HS2ST1: variants seen among roughly 807,000 people sequenced by gnomAD.
HS2ST1 encodes the protein heparan sulfate 2-O-sulfotransferase 1, also known as 2-O-sulfotransferase.
In HS2ST1, 18 loss-of-function variants were observed where a neutral mutation model predicts 42.9. That is an observed-to-expected ratio of 0.42 (90% confidence interval 0.29 to 0.62). HS2ST1 has a LOEUF of 0.62. HS2ST1 is among the 20% of genes least tolerant of loss of function. HS2ST1 has a pLI of 0.21. For missense variants in HS2ST1, 334 were observed against 433.8 expected (o/e 0.77, Z 2.04); for synonymous variants, 146 against 152.9 (o/e 0.95, Z 0.33).
chr1:87,075,315 C>T (rs1435776105), intron 2 of HS2ST1, among the ~76,000 whole-genome samples: 2 of 151,724 alleles, frequency 1.3e-5, no homozygotes, highest in African/African-American at 2.4e-5. Flanking sequence ...TATAGGCATG[C>T]GCCACCACGC....
At chr1:86,995,776 A>G (rs1044045120) in intron 1 of HS2ST1, among the ~76,000 whole-genome samples, 8 of 152,102 alleles carry the variant, frequency 5.3e-5, no homozygotes, top group African/African-American at 1.9e-4. Context: ...CTCTTTAGGG[A>G]TAGCAAAAAA....
chr1:86,935,830 T>G (rs927832822), intron 1 of HS2ST1, among the ~76,000 whole-genome samples: 2 of 152,208 alleles, frequency 1.3e-5, no homozygotes, highest in African/African-American at 2.4e-5. Flanking sequence ...TTTTAAAGCC[T>G]TTTTATTTTG....
intron 1 of HS2ST1, among the ~76,000 whole-genome samples, chr1:86,942,068 T>C (rs1177914534): frequency 6.6e-6 from 1 of 152,234 alleles, no homozygotes; most frequent in Non-Finnish European, 1.5e-5. Flanking sequence ...TCAGAGCTAA[T>C]TGTTTAAAGA....
At chr1:86,934,236 C>G (rs569991792) in intron 1 of HS2ST1, among the ~76,000 whole-genome samples, 1 of 152,264 alleles carries the variant, frequency 6.6e-6, no homozygotes, top group African/African-American at 2.4e-5. Flanking sequence ...ACTGTAGTTT[C>G]TTTTGAGGAC....
chr1:86,972,231 T>G (rs760189107), intron 1 of HS2ST1, among the ~76,000 whole-genome samples: 1 of 152,218 alleles, frequency 6.6e-6, no homozygotes, highest in Non-Finnish European at 1.5e-5. Flanking sequence ...TTCTCTAGTT[T>G]CAGTTAGCCA....
intron 1 of HS2ST1, chr1:87,046,418 A>AAGCCAG: frequency 1.1e-6 from 1 of 875,586 alleles, no homozygotes; most frequent in East Asian, 2.5e-5. Context: ...ACAGAAGCCA[A>AAGCCAG]AGCCAGAGCT....
At position 87,084,273 on chromosome 1, in the gene HS2ST1, T is replaced by G; in HGVS notation, c.443T>G (p.Phe148Cys). ...FYHGHVSYLDFAKFGVKKKPI... is the reference protein window; with the variant it reads ...FYHGHVSYLDCAKFGVKKKPI... ...CATGGACACGTTTCTTACTTGGATT[T>G]TGCAAAGTAAGTTACACTGAAATGA... is the stretch of plus-strand genomic sequence containing the variant. Residue 148 changes from phenylalanine (F) to cysteine (C), a missense_variant, in exon 3 of 7, where the codon TTT becomes TGT. Transcript: ENST00000370550. 6.3e-7 allele frequency: 1 copy of G among 1,589,864 alleles called. No individual in the cohort carries two copies. Among genetic ancestry groups the G allele is most frequent in the Non-Finnish European group, 8.6e-7 (1 of 1,161,416 alleles).
chr1:87,012,694 A>G (rs921939123), intron 1 of HS2ST1, among the ~76,000 whole-genome samples: 2 of 152,208 alleles, frequency 1.3e-5, no homozygotes, highest in African/African-American at 4.8e-5. Flanking sequence ...AGAAGTCTAC[A>G]GTTCAATGTC....
At chr1:86,964,550 A>AT (rs1363607611) in intron 1 of HS2ST1, among the ~76,000 whole-genome samples, 1 of 152,258 alleles carries the variant, frequency 6.6e-6, no homozygotes, top group Non-Finnish European at 1.5e-5. Context: ...AGGCAGGAGA[A>AT]TCAGGCAGGG....
chr1:87,098,929 G>A (rs1652134564), intron 5 of HS2ST1, among the ~76,000 whole-genome samples: 1 of 152,062 alleles, frequency 6.6e-6, no homozygotes, highest in Non-Finnish European at 1.5e-5. Context: ...ACAGGTGCCT[G>A]CACTACCCTG....
intron 3 of HS2ST1, among the ~76,000 whole-genome samples, chr1:87,091,195 A>C (rs577526134): frequency 9.9e-5 from 15 of 152,140 alleles, no homozygotes; most frequent in Admixed American, 2.6e-4. Context: ...GGGTTCATAC[A>C]AAAAGTATTT....
intron 1 of HS2ST1, among the ~76,000 whole-genome samples, chr1:87,024,348 A>G (rs576120784): frequency 1.3e-5 from 2 of 152,238 alleles, no homozygotes; most frequent in East Asian, 1.9e-4. Context: ...CTAAAAATAC[A>G]AAAATTAGAT....
At chr1:87,006,621 A>T (rs541306398) in intron 1 of HS2ST1, among the ~76,000 whole-genome samples, 2 of 152,262 alleles carry the variant, frequency 1.3e-5, no homozygotes, top group Admixed American at 6.5e-5. Context: ...AAATAAATTG[A>T]ATCATTTCTT....
chr1:86,991,897 TG>T (rs34250106), intron 1 of HS2ST1, among the ~76,000 whole-genome samples: 137,525 of 152,008 alleles, frequency 0.9, 62,478 homozygotes, highest in East Asian at 0.99. Context: ...GTAATCAGAA[TG>T]GCTTAAATAT....
At chr1:86,927,304 G>C (rs547912220) in intron 1 of HS2ST1, among the ~76,000 whole-genome samples, 1 of 152,088 alleles carries the variant, frequency 6.6e-6, no homozygotes, top group Admixed American at 6.5e-5. Flanking sequence ...GATCTTCAAC[G>C]TGGCATGGCA....
At chr1:87,067,882 GT>G (rs1651295026) in intron 1 of HS2ST1, among the ~76,000 whole-genome samples, 1 of 152,138 alleles carries the variant, frequency 6.6e-6, no homozygotes, top group Non-Finnish European at 1.5e-5. Flanking sequence ...GGTTCTAGAT[GT>G]GTGGTGTTAT....
intron 1 of HS2ST1, among the ~76,000 whole-genome samples, chr1:86,978,534 A>G (rs1339487510): frequency 1.3e-5 from 2 of 152,186 alleles, no homozygotes; most frequent in African/African-American, 2.4e-5. Flanking sequence ...ATATCCATAT[A>G]TGGCCACAAA....
At position 87,050,852 on chromosome 1, in the gene HS2ST1, A is replaced by G. The variant is rs980770089; in HGVS notation, c.125-22082A>G. Among the ~76,000 whole-genome samples the G allele has an allele frequency of 1.6e-4, 25 of 152,214 alleles. 1 individual carries two copies. Among genetic ancestry groups the G allele is most frequent in the Admixed American group, 1.5e-3 (23 of 15,288 alleles). On this transcript the variant is annotated intron_variant, in intron 1 of 6. Coordinates refer to ENST00000370550, the MANE Select transcript of HS2ST1 (RefSeq NM_012262.4). ...TCCTACAGAGTCTTGGCACCATTAC[A>G]GGAAAAAACCTCTGAGGATTAGTCA...
At position 87,108,768 on chromosome 1, in the gene HS2ST1, C is replaced by A. The variant is rs1305544307; in HGVS notation, c.*4072C>A. On this transcript the variant is annotated 3_prime_UTR_variant, in exon 7 of 7. Coordinates refer to ENST00000370550, the MANE Select transcript of HS2ST1 (RefSeq NM_012262.4). Reference sequence around the variant, plus strand: ...CTCTTTAGAACGCATTACTGTTAAGCCTGTGTTGAGACATTGATGCTGTCT... The same window carrying A: ...CTCTTTAGAACGCATTACTGTTAAGACTGTGTTGAGACATTGATGCTGTCT... 2 of 152,298 alleles carry A rather than the reference C, an allele frequency of 1.3e-5. No homozygotes were observed. The allele number at this position is 152,298 out of a possible 1,614,324, so 9.4% of individuals were successfully genotyped here.
Sources: allele counts gnomAD v4.1 joint callset (sites outside exome capture counted in the v4.1 genomes callset), GRCh38; gene constraint gnomAD v4.1.1; transcripts MANE v1.5; gene names NCBI Gene and HGNC (gene_info 2026-07-23, HGNC 2026-07-21).